The following PTPRQ variants were observed in gnomAD, a reference collection of about 807,000 sequenced individuals.
The protein encoded by PTPRQ is phosphatidylinositol phosphatase PTPRQ.
Under a neutral mutation model 246.0 loss-of-function variants are expected in PTPRQ, and 199 were observed. That is an observed-to-expected ratio of 0.81 (90% CI 0.72 to 0.91). PTPRQ has a LOEUF of 0.91. Among genes scored for constraint, PTPRQ ranks in the 40% least tolerant of loss-of-function variants. The pLI is 0.00. For synonymous variants in PTPRQ, 869 were observed against 853.2 expected, an observed-to-expected ratio of 1.02 and a Z score of -0.32; for missense variants, 2,624 against 2,528.4, an observed-to-expected ratio of 1.04 and a Z score of -0.81.
intron 33 of PTPRQ, among the ~76,000 whole-genome samples, chr12:80,627,345 T>TATAGTA (rs1555207831): frequency 5.7e-4 from 81 of 143,314 alleles, no homozygotes; most frequent in African/African-American, 1.9e-3. Context: ...ACTCAATTTT[T>TATAGTA]ATAATAATAA....
intron 10 of PTPRQ, 148 bp downstream of exon 10, chr12:80,493,603 G>A (rs964226215): frequency 1.6e-6 from 2 of 1,233,906 alleles, no homozygotes; most frequent in African/African-American, 3.1e-5. Context: ...AAAACCTCAT[G>A]CAACAAATGG....
chr12:80,497,085 CCTCCGGACTA>C (rs1894652615), intron 14 of PTPRQ, among the ~76,000 whole-genome samples: 1 of 152,008 alleles, frequency 6.6e-6, no homozygotes, highest in East Asian at 1.9e-4. Flanking sequence ...TTTTCCCCTC[CCTCCGGACTA>C]GGGAGGGGAG....
At position 80,673,260 on chromosome 12, in the gene PTPRQ, G is replaced by T; in HGVS notation, c.6694G>T (p.Val2232Leu). 1 of 1,550,676 alleles carries T rather than the reference G, an allele frequency of 6.4e-7. No individual in the cohort carries two copies. The highest frequency in any genetic ancestry group is 8.7e-7 in the Non-Finnish European group (1 of 1,146,370). Residue 2232 changes from valine (V) to leucine (L), a missense_variant, in exon 43 of 45, where the codon GTA becomes TTA. Physicochemically the swap from Val to Leu is conservative, Grantham distance 32. Transcript: ENST00000644991. ...DHDFVDIYGL[V>L]AELRSERMCM... ...TGATTTTGTGGATATATATGGACTA[G>T]TAGCTGAACTGAGAAGTGAAAGAAT...
intron 28 of PTPRQ, among the ~76,000 whole-genome samples, chr12:80,612,411 TG>T (rs1356027274): frequency 6.7e-6 from 1 of 150,226 alleles, no homozygotes; most frequent in African/African-American, 2.4e-5. Context: ...AAACAAAAAA[TG>T]ACAACATAAG....
At chr12:80,495,879 G>C in intron 12 of PTPRQ, 120 bp from the exon 13 acceptor site, 1 of 1,200,746 alleles carries the variant, frequency 8.3e-7, no homozygotes, top group Non-Finnish European at 1.1e-6. Flanking sequence ...CAATTATTTG[G>C]AAGCGATATA....
intron 3 of PTPRQ, among the ~76,000 whole-genome samples, 179 bp downstream of exon 3, chr12:80,445,896 C>G (rs13378038): frequency 3.3e-5 from 5 of 151,694 alleles, no homozygotes; most frequent in Admixed American, 3.3e-4. Context: ...GTTATTGTGT[C>G]TTTTCATTTC....
intron 8 of PTPRQ, among the ~76,000 whole-genome samples, chr12:80,473,047 G>GCACACACA (rs34054644): frequency 5.6e-4 from 81 of 145,676 alleles, no homozygotes; most frequent in African/African-American, 2.0e-3. Context: ...TCACACACAC[G>GCACACACA]CACACACACA....
At chr12:80,603,982 C>A (rs1302993195) in intron 26 of PTPRQ, among the ~76,000 whole-genome samples, 1 of 151,524 alleles carries the variant, frequency 6.6e-6, no homozygotes, top group Non-Finnish European at 1.5e-5. Flanking sequence ...TCTTTTAAAG[C>A]ACTATAAAAT....
At chr12:80,497,410 C>CAG (rs1043154558) in intron 14 of PTPRQ, among the ~76,000 whole-genome samples, 1 of 151,994 alleles carries the variant, frequency 6.6e-6, no homozygotes, top group African/African-American at 2.4e-5. Context: ...TGACAGGAGG[C>CAG]AGAGCTCAGG....
chr12:80,494,902 C>A (rs1290336597), intron 10 of PTPRQ, 31 bp from the exon 11 acceptor site: 8 of 1,497,882 alleles, frequency 5.3e-6, no homozygotes, highest in African/African-American at 1.4e-5. Flanking sequence ...AAACACCTTT[C>A]TTTTTTTCTC....
chr12:80,549,454 T>A lies in PTPRQ; in HGVS notation c.4016-11T>A. On this transcript the variant is annotated splice_polypyrimidine_tract_variant and intron_variant, in intron 24 of 44. Transcript: ENST00000644991. ...TACACTTTAACTTTGGGCATATGTT[T>A]ATCTCTTAAGTTCCAGATGTCGTGC... 6.5e-7 allele frequency: 1 copy of A among 1,535,228 alleles called. No individual in the cohort carries two copies. The highest frequency in any genetic ancestry group is 8.8e-7 in the Non-Finnish European group (1 of 1,137,752).
Position 80,535,857 on chromosome 12 carries a change from C to T in PTPRQ, c.2985+820C>T, listed in dbSNP as rs182900902. Among the ~76,000 whole-genome samples the T allele has an allele frequency of 3.0e-4, 45 of 152,318 alleles. 1 individual carries two copies. In the East Asian group the frequency reaches 6.2e-3, roughly 21 times the overall value. On this transcript the variant is annotated intron_variant, in intron 19 of 44. Transcript: ENST00000644991. ...GCGTGGTGGCTCACGCCTGTAATCC[C>T]AGCACTTTGGGAGGCCGAGGCGGGC...
intron 8 of PTPRQ, among the ~76,000 whole-genome samples, chr12:80,478,292 T>G (rs567233679): frequency 6.6e-6 from 1 of 151,872 alleles, no homozygotes; most frequent in South Asian, 2.1e-4. Flanking sequence ...CATGGCCAGG[T>G]ACTCCAACAG....
At chr12:80,620,108 T>G (rs1257756772) in intron 31 of PTPRQ, 46 bp from the exon 32 acceptor site, 1 of 1,498,202 alleles carries the variant, frequency 6.7e-7, no homozygotes, top group Non-Finnish European at 8.9e-7. Flanking sequence ...TAAAAATATA[T>G]TCATATGTTA....
At chr12:80,591,119 GC>G (rs1414310914) in intron 26 of PTPRQ, among the ~76,000 whole-genome samples, 2 of 115,786 alleles carry the variant, frequency 1.7e-5, no homozygotes, top group Non-Finnish European at 3.5e-5. Context: ...CTTGATCATT[GC>G]TTTTTTTTTT....
chr12:80,662,255 A>G (rs1900656033), intron 39 of PTPRQ, among the ~76,000 whole-genome samples: 1 of 152,006 alleles, frequency 6.6e-6, no homozygotes. Flanking sequence ...ATACAAATTC[A>G]CTGGATATAA....
At chr12:80,559,831 C>T (rs760801301) in intron 25 of PTPRQ, among the ~76,000 whole-genome samples, 3 of 152,076 alleles carry the variant, frequency 2.0e-5, no homozygotes, top group South Asian at 2.1e-4. Context: ...TCCCTCCCCT[C>T]CCCTCTCCTG....
intron 10 of PTPRQ, among the ~76,000 whole-genome samples, chr12:80,494,015 T>C (rs1894532288): frequency 6.6e-6 from 1 of 152,018 alleles, no homozygotes; most frequent in East Asian, 1.9e-4. Flanking sequence ...ATATTATCTC[T>C]CTAGTTTTTC....
intron 9 of PTPRQ, among the ~76,000 whole-genome samples, chr12:80,488,219 G>T (rs1424372517): frequency 1.3e-5 from 2 of 151,080 alleles, no homozygotes; most frequent in African/African-American, 2.4e-5. Flanking sequence ...TTATTCTATT[G>T]GTTAGATACA....
Sources: gnomAD v4.1 joint callset for allele counts (sites outside exome capture counted in the v4.1 genomes callset) on GRCh38, gnomAD v4.1.1 for gene constraint, MANE v1.5 for transcripts, NCBI Gene and HGNC (gene_info 2026-07-23, HGNC 2026-07-21) for gene names.